Variants in SLC9A4 observed in about 807,000 individuals in gnomAD.
SLC9A4 encodes sodium/hydrogen exchanger 4.
SLC9A4 carries 63 observed loss-of-function variants against 67.4 expected under a neutral mutation model. The observed-to-expected ratio is 0.93, with a 90% CI of 0.76 to 1.15. SLC9A4 has a LOEUF of 1.15. Ranked by LOEUF, SLC9A4 falls within the 50% of genes most tolerant of loss-of-function variation. The pLI is 0.00. For synonymous variants in SLC9A4, 393 were observed against 367.2 expected (o/e 1.07, Z -0.80); for missense variants, 1,089 against 987.7 (o/e 1.10, Z -1.38).
intron 1 of SLC9A4, among the ~76,000 whole-genome samples, chr2:102,476,439 C>T (rs575379749): frequency 6.6e-6 from 1 of 152,166 alleles, no homozygotes; most frequent in Non-Finnish European, 1.5e-5. Context: ...GTAGCATTTC[C>T]CTTTACAAGG....
chr2:102,529,232 T>C (rs1210073648), intron 11 of SLC9A4, among the ~76,000 whole-genome samples: 1 of 152,232 alleles, frequency 6.6e-6, no homozygotes, highest in Admixed American at 6.5e-5. Flanking sequence ...TCCCAATGAT[T>C]TCTTTTCTTT....
chr2:102,506,311 T>C (rs527653806), intron 4 of SLC9A4, among the ~76,000 whole-genome samples: 9 of 152,350 alleles, frequency 5.9e-5, no homozygotes, highest in Middle Eastern at 6.8e-3. Flanking sequence ...TGAAGCGTTA[T>C]GTTAAATGAC....
At chr2:102,507,966 A>G in intron 4 of SLC9A4, 113 bp from the exon 5 acceptor site, 1 of 948,416 alleles carries the variant, frequency 1.1e-6, no homozygotes, top group Non-Finnish European at 1.7e-6. Flanking sequence ...TGGGTGTATG[A>G]TGGAATTAGG....
intron 8 of SLC9A4, 56 bp from the exon 9 acceptor site, chr2:102,519,803 G>T: frequency 1.3e-6 from 2 of 1,554,202 alleles, no homozygotes; most frequent in South Asian, 2.3e-5. Context: ...TAGTTTTGTG[G>T]CACCTCTTGC....
Position 102,526,300 on chromosome 2 carries a change from G to T in SLC9A4, c.1992G>T (p.Gly664=). 6.2e-7 allele frequency: 1 copy of T among 1,613,914 alleles called. No individual in the cohort carries two copies. The highest frequency in any genetic ancestry group is 2.2e-5 in the East Asian group (1 of 44,862). ...TCCGCTACCTCTCCTACCCCTACGGGAATCCTCAGTCTGCAGGAAGAGACA... is the reference window on the plus strand; with the variant it reads ...TCCGCTACCTCTCCTACCCCTACGGTAATCCTCAGTCTGCAGGAAGAGACA... ...KNIRYLSYPY[G]NPQSAGRDTR... Residue 664 remains glycine, a synonymous_variant, in exon 11 of 12, where the codon GGG becomes GGT. Coordinates refer to ENST00000295269, the MANE Select transcript of SLC9A4 (RefSeq NM_001011552.4).
rs760338069 is a variant in SLC9A4, at chr2:102,478,824, T to C, written c.257-15T>C. 22 of 1,610,346 alleles carry C rather than the reference T, an allele frequency of 1.4e-5. No homozygotes were observed. Among genetic ancestry groups the C allele is most frequent in the Non-Finnish European group, 1.7e-5 (20 of 1,177,918 alleles). On this transcript the variant is annotated splice_polypyrimidine_tract_variant and intron_variant, in intron 1 of 11. Transcript: ENST00000295269. ...TTCGTTTGCAAGCACCTAACTGCTC[T>C]TCGCTGTTCTGCAGGCTTCCACCTC...
At position 102,527,603 on chromosome 2, in the gene SLC9A4, A is replaced by T. The variant is rs185910763; in HGVS notation, c.2038+1257A>T. On this transcript the variant is annotated intron_variant, in intron 11 of 11. Transcript: ENST00000295269. ...TCCCTTAGTATATTTTCCTAGAAGT[A>T]AAATTTTGAGGTCAAATTCATATAG... Among the ~76,000 whole-genome samples, 997 of 152,266 alleles carry T rather than the reference A, an allele frequency of 6.5e-3. 15 individuals are homozygous for T. Among genetic ancestry groups the T allele is most frequent in the African/African-American group, 0.023 (946 of 41,562 alleles).
At chr2:102,509,830 T>G (rs1383833791) in intron 6 of SLC9A4, among the ~76,000 whole-genome samples, 1 of 152,188 alleles carries the variant, frequency 6.6e-6, no homozygotes, top group African/African-American at 2.4e-5. Flanking sequence ...TTGTAACTGT[T>G]GCCTTTCAAA....
chr2:102,484,254 C>T (rs751931224), intron 2 of SLC9A4, among the ~76,000 whole-genome samples: 15 of 152,110 alleles, frequency 9.9e-5, no homozygotes, highest in Admixed American at 1.3e-4. Context: ...TCCCTCCTCC[C>T]AAACTTTTTC....
At chr2:102,522,941 T>A (rs1674561457) in intron 9 of SLC9A4, among the ~76,000 whole-genome samples, 1 of 152,088 alleles carries the variant, frequency 6.6e-6, no homozygotes, top group Non-Finnish European at 1.5e-5. Flanking sequence ...CCCTCACTGT[T>A]CCCTTGGCCT....
chr2:102,478,022 C>A (rs1224125119), intron 1 of SLC9A4, among the ~76,000 whole-genome samples: 1 of 152,206 alleles, frequency 6.6e-6, no homozygotes, highest in Non-Finnish European at 1.5e-5. Context: ...TTAACATCGT[C>A]TTTGCACAAC....
At chr2:102,480,738 C>T (rs1684444823) in intron 2 of SLC9A4, among the ~76,000 whole-genome samples, 1 of 152,184 alleles carries the variant, frequency 6.6e-6, no homozygotes, top group South Asian at 2.1e-4. Context: ...CTCCTATCTG[C>T]CTCCTTGGTA....
chr2:102,524,937 C>G, intron 9 of SLC9A4, 87 bp from the exon 10 acceptor site: 1 of 1,531,926 alleles, frequency 6.5e-7, no homozygotes, highest in South Asian at 1.2e-5. Flanking sequence ...TTCTCCTGGT[C>G]TTAGGTTCCT....
intron 6 of SLC9A4, among the ~76,000 whole-genome samples, chr2:102,509,367 G>C (rs1228838627): frequency 6.6e-6 from 1 of 152,226 alleles, no homozygotes; most frequent in Non-Finnish European, 1.5e-5. Context: ...CACGTGGATA[G>C]TTCAGGAGAC....
At chr2:102,488,384 G>A (rs985395296) in intron 2 of SLC9A4, among the ~76,000 whole-genome samples, 4 of 152,098 alleles carry the variant, frequency 2.6e-5, no homozygotes, top group Non-Finnish European at 5.9e-5. Context: ...AGGCCTGGAT[G>A]GGAGCACTAG....
At position 102,475,588 on chromosome 2, in the gene SLC9A4, G is replaced by C. The variant is rs184711239; in HGVS notation, c.256+1573G>C. Among the ~76,000 whole-genome samples the C allele has an allele frequency of 3.0e-3, 457 of 152,310 alleles. 3 individuals carry two copies. The highest frequency in any genetic ancestry group is 0.01 in the African/African-American group (433 of 41,544). On this transcript the variant is annotated intron_variant, in intron 1 of 11. Transcript: ENST00000295269. ...CACTGTGAAAATACGATTATTCATA[G>C]AACTGTTGGTTTAAATGTTCTTGAT...
chr2:102,479,415 A>G, intron 2 of SLC9A4, 113 bp downstream of exon 2: 1 of 1,138,154 alleles, frequency 8.8e-7, no homozygotes. Flanking sequence ...CAGGACAGGG[A>G]TGAGCTTCAG....
At chr2:102,524,725 A>C (rs984009628) in intron 9 of SLC9A4, among the ~76,000 whole-genome samples, 1 of 152,160 alleles carries the variant, frequency 6.6e-6, no homozygotes, top group African/African-American at 2.4e-5. Flanking sequence ...CCTGGAAAGG[A>C]AAGTGTATGT....
intron 2 of SLC9A4, among the ~76,000 whole-genome samples, chr2:102,487,335 A>G (rs964104465): frequency 6.6e-6 from 1 of 152,188 alleles, no homozygotes; most frequent in African/African-American, 2.4e-5. Context: ...AGTGAGGAGC[A>G]GATCAGTGCA....
Sources: gnomAD v4.1 joint callset for allele counts (sites outside exome capture counted in the v4.1 genomes callset) on GRCh38, gnomAD v4.1.1 for gene constraint, MANE v1.5 for transcripts, NCBI Gene and HGNC (gene_info 2026-07-23, HGNC 2026-07-21) for gene names.